AFG2A: variants seen among roughly 807,000 people sequenced by gnomAD.
The protein encoded by AFG2A is ATPase family gene 2 protein homolog A.
chr4:123,025,557 T>C, the AFG2A span, among the ~76,000 whole-genome samples: 1 of 152,234 alleles, frequency 6.6e-6, no homozygotes, highest in Non-Finnish European at 1.5e-5. Flanking sequence ...CTTGAACTTT[T>C]TTTTTTTAAG....
At chr4:123,176,602 G>A in the AFG2A span, among the ~76,000 whole-genome samples, 2 of 152,188 alleles carry the variant, frequency 1.3e-5, no homozygotes, top group Admixed American at 6.5e-5. Flanking sequence ...CATCTCTAGT[G>A]TGGTCGGACG....
At chr4:122,989,439 C>T in the AFG2A span, among the ~76,000 whole-genome samples, 1 of 152,200 alleles carries the variant, frequency 6.6e-6, no homozygotes, top group Non-Finnish European at 1.5e-5. Flanking sequence ...GTTCTGGAGC[C>T]TCTGTCCACT....
the AFG2A span, among the ~76,000 whole-genome samples, chr4:123,280,688 A>G: frequency 9.1e-4 from 138 of 152,266 alleles, no homozygotes; most frequent in African/African-American, 3.2e-3. Flanking sequence ...TCCCTGTTCC[A>G]CATTTAAAGG....
the AFG2A span, chr4:123,255,899 C>T: frequency 8.7e-7 from 1 of 1,150,658 alleles, no homozygotes; most frequent in Non-Finnish European, 1.2e-6. Flanking sequence ...TTTTATTTAC[C>T]AATTACGAAT....
chr4:123,093,725 G>T, the AFG2A span, among the ~76,000 whole-genome samples: 22,657 of 152,176 alleles, frequency 0.15, 2,113 homozygotes, highest in East Asian at 0.45. Context: ...TGCCTAGCAT[G>T]GGAGGAGTAA....
At chr4:123,150,634 A>C in the AFG2A span, among the ~76,000 whole-genome samples, 1 of 152,202 alleles carries the variant, frequency 6.6e-6, no homozygotes, top group Non-Finnish European at 1.5e-5. Flanking sequence ...AACAAATGAA[A>C]AAATATCCCA....
the AFG2A span, among the ~76,000 whole-genome samples, chr4:123,269,886 G>A: frequency 2.6e-5 from 4 of 152,114 alleles, no homozygotes; most frequent in African/African-American, 4.8e-5. Flanking sequence ...GCACCATCTC[G>A]GCTCACGGCA....
chr4:123,073,520 T>A, the AFG2A span, among the ~76,000 whole-genome samples: 1 of 152,156 alleles, frequency 6.6e-6, no homozygotes, highest in Middle Eastern at 3.2e-3. Flanking sequence ...TAATTCATAC[T>A]CCTCCCAAAC....
the AFG2A span, among the ~76,000 whole-genome samples, chr4:123,263,456 C>T: frequency 1.7e-3 from 262 of 152,222 alleles, no homozygotes; most frequent in African/African-American, 6.1e-3. Context: ...GAGTTATTGT[C>T]ACTAAATAAA....
chr4:123,123,120 A>G, the AFG2A span, among the ~76,000 whole-genome samples: 6 of 152,288 alleles, frequency 3.9e-5, no homozygotes, highest in East Asian at 3.9e-4. Flanking sequence ...AACTACTGCT[A>G]TAAAAATGTG....
At chr4:123,287,278 T>G in the AFG2A span, among the ~76,000 whole-genome samples, 125 of 152,324 alleles carry the variant, frequency 8.2e-4, 1 homozygote, top group Middle Eastern at 6.8e-3. Flanking sequence ...TACTAGCTAT[T>G]TAGTGTAACC....
the AFG2A span, among the ~76,000 whole-genome samples, chr4:122,980,527 G>C: frequency 1.3e-5 from 2 of 152,152 alleles, no homozygotes; most frequent in Non-Finnish European, 2.9e-5. Context: ...CCAGTAGTAG[G>C]ATTGCTGAAT....
At chr4:122,997,025 C>G in the AFG2A span, among the ~76,000 whole-genome samples, 3 of 152,278 alleles carry the variant, frequency 2.0e-5, no homozygotes, top group South Asian at 6.2e-4. Context: ...TTGACTCACA[C>G]CATTCTCTGG....
the AFG2A span, among the ~76,000 whole-genome samples, chr4:123,069,078 G>A: frequency 1.3e-5 from 2 of 152,148 alleles, no homozygotes; most frequent in Non-Finnish European, 2.9e-5. Flanking sequence ...AACTTTGTCA[G>A]TGTGCCAAGT....
At chr4:123,118,353 T>TTATATATATATTATATTATATATATTA in the AFG2A span, among the ~76,000 whole-genome samples, 2 of 129,856 alleles carry the variant, frequency 1.5e-5, no homozygotes, top group Non-Finnish European at 3.1e-5. Context: ...ATTATATATA[T>TTATATATATATTATATTATATATATTA]TATATATATA....
At chr4:123,052,818 A>G in the AFG2A span, among the ~76,000 whole-genome samples, 2 of 152,202 alleles carry the variant, frequency 1.3e-5, no homozygotes, top group African/African-American at 4.8e-5. Context: ...TGAAACCAGT[A>G]GTGGCTCAGT....
the AFG2A span, among the ~76,000 whole-genome samples, chr4:122,931,206 C>G: frequency 1.3e-5 from 2 of 151,992 alleles, no homozygotes; most frequent in Non-Finnish European, 2.9e-5. Context: ...TTAAGTATAA[C>G]TTGGTTTAGA....
At chr4:123,311,451 C>T in the AFG2A span, among the ~76,000 whole-genome samples, 5 of 151,672 alleles carry the variant, frequency 3.3e-5, no homozygotes, top group African/African-American at 7.3e-5. Flanking sequence ...TATGGTGAAA[C>T]CCCATCTCTA....
the AFG2A span, among the ~76,000 whole-genome samples, chr4:123,067,499 G>A: frequency 1.3e-5 from 2 of 151,768 alleles, no homozygotes; most frequent in Non-Finnish European, 2.9e-5. Flanking sequence ...CCTGGGCAAC[G>A]GGGCGAGACT....
Sources: allele counts gnomAD v4.1 joint callset (sites outside exome capture counted in the v4.1 genomes callset), GRCh38; gene constraint gnomAD v4.1.1; transcripts MANE v1.5; gene names NCBI Gene and HGNC (gene_info 2026-07-23, HGNC 2026-07-21).